ELAVL4: variants seen among roughly 807,000 people sequenced by gnomAD.
ELAVL4 encodes ELAV-like protein 4.
In ELAVL4, 1 loss-of-function variant was observed where a neutral mutation model predicts 35.6. The observed-to-expected ratio is 0.03, with a 90% CI of 0.01 to 0.13. The LOEUF is 0.13. Among genes scored for constraint, ELAVL4 ranks in the 10% least tolerant of loss-of-function variants. The pLI is 1.00. For missense variants in ELAVL4, 267 were observed against 464.9 expected (o/e 0.57, Z 3.91); for synonymous variants, 156 against 171.0 (o/e 0.91, Z 0.69).
intron 6 of ELAVL4, among the ~76,000 whole-genome samples, 198 bp from the exon 7 acceptor site, chr1:50,200,653 A>G (rs1236706552): frequency 6.6e-6 from 1 of 152,180 alleles, no homozygotes; most frequent in African/African-American, 2.4e-5. Context: ...CAGCATGAAC[A>G]TGCCCTAGCC....
chr1:50,120,972 A>G (rs983750525), intron 1 of ELAVL4, among the ~76,000 whole-genome samples: 1 of 152,090 alleles, frequency 6.6e-6, no homozygotes, highest in Non-Finnish European at 1.5e-5. Flanking sequence ...GTACCAAAGC[A>G]TGCTTGTCTT....
At chr1:50,196,449 G>C (rs1303032867) in intron 5 of ELAVL4, among the ~76,000 whole-genome samples, 2 of 152,122 alleles carry the variant, frequency 1.3e-5, no homozygotes, top group Non-Finnish European at 2.9e-5. Flanking sequence ...ACCTTGACTG[G>C]TCTCTATTAT....
At chr1:50,199,853 C>T (rs1478782996) in intron 6 of ELAVL4, among the ~76,000 whole-genome samples, 3 of 152,150 alleles carry the variant, frequency 2.0e-5, no homozygotes, top group Admixed American at 2.0e-4. Context: ...TCACAAATTA[C>T]ACAAGGATTT....
At chr1:50,195,878 G>C (rs1644024404) in intron 5 of ELAVL4, 92 bp downstream of exon 5, 1 of 1,432,142 alleles carries the variant, frequency 7.0e-7, no homozygotes, top group Non-Finnish European at 9.6e-7. Context: ...AATGGGGCAA[G>C]GGTAAAAGCT....
At chr1:50,178,781 C>A (rs538727015) in intron 3 of ELAVL4, among the ~76,000 whole-genome samples, 3 of 152,270 alleles carry the variant, frequency 2.0e-5, no homozygotes, top group African/African-American at 7.2e-5. Context: ...AGACTGAGAG[C>A]TGTATTTGTA....
intron 3 of ELAVL4, among the ~76,000 whole-genome samples, chr1:50,189,124 C>T (rs561593387): frequency 5.3e-5 from 8 of 152,174 alleles, no homozygotes; most frequent in Non-Finnish European, 1.2e-4. Context: ...ATGCCTTTTC[C>T]CTCTCATTTT....
chr1:50,203,238 C>G lies in ELAVL4; in HGVS notation c.*2060C>G, dbSNP rs1285967261. On this transcript the variant is annotated 3_prime_UTR_variant, in exon 7 of 7. Coordinates refer to ENST00000371824, the MANE Select transcript of ELAVL4 (RefSeq NM_001144774.3). ...TGTGCTTATTTTGTGCATTTTTTCC[C>G]ATGCTGAACCCACTAAGTGCATGTA... 6.6e-6 allele frequency: 1 copy of G among 152,046 alleles called. No homozygotes were observed. Among genetic ancestry groups the G allele is most frequent in the African/African-American group, 2.4e-5 (1 of 41,390 alleles). 9.4% of individuals were successfully genotyped at this position (152,046 alleles called of 1,614,324 possible). A position where few individuals can be genotyped will look rare whatever the true frequency, so the allele number is the denominator to read the frequency against.
At chr1:50,096,774 A>T (rs569349592) in intron 1 of ELAVL4, among the ~76,000 whole-genome samples, 1 of 152,292 alleles carries the variant, frequency 6.6e-6, no homozygotes, top group African/African-American at 2.4e-5. Context: ...TCTAATCCTC[A>T]CAAGTTTAGG....
chr1:50,197,301 A>C (rs1644117887), intron 5 of ELAVL4, 128 bp from the exon 6 acceptor site: 1 of 795,764 alleles, frequency 1.3e-6, no homozygotes, highest in East Asian at 3.0e-5. Context: ...CGGTGGATAG[A>C]CTCCTAAGCA....
chr1:50,144,736 G>T, intron 1 of ELAVL4: 10 of 743,242 alleles, frequency 1.3e-5, no homozygotes, highest in Non-Finnish European at 2.4e-5. Context: ...CTGCATTCTA[G>T]TCTGTGTTCA....
intron 2 of ELAVL4, among the ~76,000 whole-genome samples, chr1:50,154,107 G>A (rs546301826): frequency 8.5e-5 from 13 of 152,320 alleles, no homozygotes; most frequent in South Asian, 4.1e-4. Flanking sequence ...CTACTCTGTC[G>A]GGTAAATGGG....
chr1:50,056,090 C>T (rs1257325268), intron 1 of ELAVL4, among the ~76,000 whole-genome samples: 1 of 152,010 alleles, frequency 6.6e-6, no homozygotes, highest in Admixed American at 6.5e-5. Flanking sequence ...CATCTTTTTC[C>T]CTACATTTCT....
chr1:50,070,042 G>A (rs1026353668), intron 1 of ELAVL4, among the ~76,000 whole-genome samples: 1 of 152,180 alleles, frequency 6.6e-6, no homozygotes, highest in Non-Finnish European at 1.5e-5. Context: ...GAAGTGTGCA[G>A]GGAATAGCTA....
chr1:50,163,018 G>A (rs2148766048), intron 2 of ELAVL4, among the ~76,000 whole-genome samples: 1 of 152,342 alleles, frequency 6.6e-6, no homozygotes, highest in African/African-American at 2.4e-5. Context: ...ATTCAACTTA[G>A]AAATGGTATT....
intron 1 of ELAVL4, among the ~76,000 whole-genome samples, chr1:50,075,839 A>G (rs1317803858): frequency 6.6e-6 from 1 of 151,986 alleles, no homozygotes; most frequent in Non-Finnish European, 1.5e-5. Flanking sequence ...AGACAGAGAG[A>G]CAGAGAGAGA....
chr1:50,168,984 G>GTA (rs755820090), intron 2 of ELAVL4, among the ~76,000 whole-genome samples: 4,514 of 144,206 alleles, frequency 0.031, 115 homozygotes, highest in African/African-American at 0.072. Context: ...ATATATATAT[G>GTA]TATATATATA....
chr1:50,148,536 C>A (rs528165518), intron 2 of ELAVL4, among the ~76,000 whole-genome samples: 1 of 152,178 alleles, frequency 6.6e-6, no homozygotes, highest in Non-Finnish European at 1.5e-5. Context: ...TTCTCAGAGA[C>A]ATTACATTTT....
chr1:50,168,118 G>T (rs181633683), intron 2 of ELAVL4, among the ~76,000 whole-genome samples: 2 of 152,194 alleles, frequency 1.3e-5, no homozygotes, highest in Non-Finnish European at 2.9e-5. Flanking sequence ...CTTTCGGGTG[G>T]TGCCTGCATA....
At chr1:50,087,558 A>G (rs2148502137) in intron 1 of ELAVL4, among the ~76,000 whole-genome samples, 1 of 152,366 alleles carries the variant, frequency 6.6e-6, no homozygotes, top group East Asian at 1.9e-4. Flanking sequence ...CACCTCAAGT[A>G]GACACTGAAT....
Sources: gnomAD v4.1 joint callset for allele counts (sites outside exome capture counted in the v4.1 genomes callset) on GRCh38, gnomAD v4.1.1 for gene constraint, MANE v1.5 for transcripts, NCBI Gene and HGNC (gene_info 2026-07-23, HGNC 2026-07-21) for gene names.